Variants in LRFN5 observed in about 807,000 individuals in gnomAD.
LRFN5 encodes leucine-rich repeat and fibronectin type-III domain-containing protein 5.
In LRFN5, 24 loss-of-function variants were observed where a neutral mutation model predicts 45.6. The observed-to-expected ratio is 0.53, with a 90% CI of 0.38 to 0.74. The LOEUF is 0.74. Ranked by LOEUF, LRFN5 falls within the 30% of genes least tolerant of loss-of-function variation. LRFN5 has a pLI of 0.00. For synonymous variants in LRFN5, 340 were observed against 313.8 expected (o/e 1.08, Z -0.88); for missense variants, 776 against 861.5 (o/e 0.90, Z 1.24).
chr14:41,805,136 T>G (rs1483950767), intron 2 of LRFN5, among the ~76,000 whole-genome samples: 4 of 149,712 alleles, frequency 2.7e-5, no homozygotes. Flanking sequence ...AAATAAAAAT[T>G]TGATTACAGC....
chr14:41,752,153 C>T (rs916440037), intron 1 of LRFN5, among the ~76,000 whole-genome samples: 1 of 152,092 alleles, frequency 6.6e-6, no homozygotes, highest in Non-Finnish European at 1.5e-5. Flanking sequence ...TTTTCTTAAT[C>T]CAGTCTATCA....
intron 1 of LRFN5, among the ~76,000 whole-genome samples, chr14:41,632,852 A>T (rs562450462): frequency 6.6e-6 from 1 of 152,286 alleles, no homozygotes; most frequent in Admixed American, 6.5e-5. Flanking sequence ...TCTTCTACTT[A>T]TTTTAAAATT....
At position 41,887,796 on chromosome 14, in the gene LRFN5, G is replaced by C; in HGVS notation, c.1171G>C (p.Asp391His). ...LNSTNHIHEP[D>H]PGSSDISTST... ...TAGTACAAACCATATCCATGAGCCT[G>C]ATCCTGGTTCTTCAGATATCTCAAC... Residue 391 changes from aspartate to histidine, a missense_variant, in exon 3 of 6, where the codon GAT (aspartate) becomes CAT (histidine). Asp to His is a moderately conservative substitution (Grantham distance 81). Around this residue, in one of 2 missense-constraint regions of LRFN5, gnomAD observed 465 missense variants for 456.4 expected, o/e 1.02. Transcript: ENST00000298119. This position sits in a 1 kb window ranked among gnomAD's most constrained non-coding sequence, Gnocchi z 4.8. The C allele has an allele frequency of 6.2e-7, 1 of 1,613,944 alleles. No homozygotes were observed. The highest frequency in any genetic ancestry group is 8.5e-7 in the Non-Finnish European group (1 of 1,179,960).
chr14:41,666,278 T>C (rs1302017469), intron 1 of LRFN5, among the ~76,000 whole-genome samples: 1 of 152,052 alleles, frequency 6.6e-6, no homozygotes, highest in Non-Finnish European at 1.5e-5. Context: ...AAGACATTAG[T>C]AATTATTTGA....
chr14:41,714,482 A>AT (rs890242457), intron 1 of LRFN5, among the ~76,000 whole-genome samples: 6 of 152,188 alleles, frequency 3.9e-5, no homozygotes, highest in Non-Finnish European at 7.3e-5. Flanking sequence ...AATTGGATTA[A>AT]TTTTTTCCCT....
intron 2 of LRFN5, among the ~76,000 whole-genome samples, chr14:41,803,437 A>G (rs1051269711): frequency 6.6e-6 from 1 of 151,754 alleles, no homozygotes; most frequent in Non-Finnish European, 1.5e-5. Flanking sequence ...CTGCCGCCTC[A>G]AACTCCTGGG....
At chr14:41,709,837 T>C (rs779411777) in intron 1 of LRFN5, among the ~76,000 whole-genome samples, 45 of 152,012 alleles carry the variant, frequency 3.0e-4, no homozygotes, top group Non-Finnish European at 5.4e-4. Flanking sequence ...TAGAAAAATA[T>C]AATATTTTAC....
At chr14:41,818,034 G>A (rs1220387377) in intron 2 of LRFN5, among the ~76,000 whole-genome samples, 3 of 151,962 alleles carry the variant, frequency 2.0e-5, no homozygotes, top group African/African-American at 7.2e-5. Context: ...TTTCCTCTAT[G>A]TATTTTGGAA....
At chr14:41,661,155 C>T (rs1880634067) in intron 1 of LRFN5, among the ~76,000 whole-genome samples, 1 of 151,644 alleles carries the variant, frequency 6.6e-6, no homozygotes, top group African/African-American at 2.4e-5. Context: ...TTGTAGACAA[C>T]TTGTTTCTAA....
At chr14:41,781,586 A>AAGAAAGAAAGAAAGAAAGAAAGAAAG (rs1886501090) in intron 2 of LRFN5, among the ~76,000 whole-genome samples, 1 of 101,826 alleles carries the variant, frequency 9.8e-6, no homozygotes, top group Non-Finnish European at 2.0e-5. Flanking sequence ...GAAAGAAAGA[A>AAGAAAGAAAGAAAGAAAGAAAGAAAG]AGAAAGAAAG....
chr14:41,759,003 A>G lies in LRFN5; in HGVS notation c.-196-7851A>G, dbSNP rs35956118. ...GTGAAGGTGCTAGATGCTGCAGGGCATACAATTATTCATATTATATTCCTG... is the reference window on the plus strand; with the variant it reads ...GTGAAGGTGCTAGATGCTGCAGGGCGTACAATTATTCATATTATATTCCTG... On this transcript the variant is annotated intron_variant, in intron 1 of 5. Transcript: ENST00000298119. Among the ~76,000 whole-genome samples, 1,262 of 152,278 alleles carry G rather than the reference A, an allele frequency of 8.3e-3. 11 individuals are homozygous for G. The highest frequency in any genetic ancestry group is 0.034 in the Middle Eastern group (10 of 294).
intron 2 of LRFN5, among the ~76,000 whole-genome samples, chr14:41,770,054 A>G (rs1432686278): frequency 6.6e-6 from 1 of 152,162 alleles, no homozygotes; most frequent in Non-Finnish European, 1.5e-5. Flanking sequence ...GGGAGCAGGC[A>G]CATGACATGG....
chr14:41,795,032 T>C (rs1887068920), intron 2 of LRFN5, among the ~76,000 whole-genome samples: 1 of 152,014 alleles, frequency 6.6e-6, no homozygotes, highest in African/African-American at 2.4e-5. Flanking sequence ...GTTTGGTATA[T>C]ATACTATATA....
rs555574565 is a variant in LRFN5 at position 41,628,266 on chromosome 14, G to C, written c.-197+19704G>C. On this transcript the variant is annotated intron_variant, in intron 1 of 5. Coordinates refer to ENST00000298119, the MANE Select transcript of LRFN5 (RefSeq NM_152447.5). ...TCAGTGAAGTCATTTATCAGAGTAG[G>C]CAAAAATAAAAGATTTCTATCTTTA... 3.9e-5 allele frequency among the ~76,000 whole-genome samples: 6 copies of C among 152,168 alleles called. No homozygotes were observed. In the East Asian group the frequency reaches 1.2e-3, roughly 29 times the overall value.
chr14:41,842,298 A>T (rs1023276207), intron 2 of LRFN5, among the ~76,000 whole-genome samples: 5 of 152,134 alleles, frequency 3.3e-5, no homozygotes, highest in African/African-American at 7.2e-5. Context: ...AATTGGATAC[A>T]TCGTTAAATA....
At chr14:41,664,362 A>C (rs1880798453) in intron 1 of LRFN5, among the ~76,000 whole-genome samples, 1 of 151,930 alleles carries the variant, frequency 6.6e-6, no homozygotes. Context: ...CTGTGCCATC[A>C]TTTTGTACAT....
intron 1 of LRFN5, among the ~76,000 whole-genome samples, chr14:41,671,595 G>A (rs1881215770): frequency 1.1e-5 from 1 of 88,358 alleles, no homozygotes; most frequent in African/African-American, 4.5e-5. Flanking sequence ...GTGTGGATGT[G>A]GAGGAGAGAT....
intron 2 of LRFN5, among the ~76,000 whole-genome samples, chr14:41,838,962 A>G (rs917333965): frequency 1.3e-5 from 2 of 152,072 alleles, no homozygotes; most frequent in Non-Finnish European, 2.9e-5. Context: ...TCCCTTATGG[A>G]GACAGGGATT....
intron 1 of LRFN5, among the ~76,000 whole-genome samples, chr14:41,610,660 G>GAAAAAAAAAAAAAAAAAAAA (rs1566586963): frequency 9.5e-5 from 1 of 10,512 alleles, no homozygotes; most frequent in African/African-American, 5.7e-4. Context: ...CCCAGGGAAG[G>GAAAAAAAAAAAAAAAAAAAA]TAAAAAAAAA....
Sources: gnomAD v4.1 joint callset for allele counts (sites outside exome capture counted in the v4.1 genomes callset) on GRCh38, gnomAD v4.1.1 for gene constraint, gnomAD v4.1.1 regional missense constraint, Gnocchi (gnomAD v3.1) non-coding constraint, MANE v1.5 for transcripts, NCBI Gene and HGNC (gene_info 2026-07-23, HGNC 2026-07-21) for gene names.